ZNF154: variants seen among roughly 807,000 people sequenced by gnomAD.
The protein encoded by ZNF154 is zinc finger protein 154, also known as zinc finger protein 154 (pHZ-92).
Under a neutral mutation model 7.5 loss-of-function variants are expected in ZNF154, and 6 were observed. The observed-to-expected ratio is 0.80, with a 90% confidence interval of 0.44 to 1.57. The LOEUF is 1.57. Among genes scored for constraint, ZNF154 ranks in the 40% most tolerant of loss-of-function variants. The pLI, the probability that ZNF154 is intolerant of heterozygous loss-of-function variation, is 0.01. For synonymous variants in ZNF154, 187 were observed against 185.9 expected (o/e 1.01, Z -0.05); for missense variants, 485 against 531.4 (o/e 0.91, Z 0.86).
At chr19:57,704,784 C>G (rs1985316362) in intron 2 of ZNF154, 69 bp downstream of exon 2, 1 of 1,560,802 alleles carries the variant, frequency 6.4e-7, no homozygotes, top group African/African-American at 1.4e-5. Flanking sequence ...GAAGGACAGA[C>G]CTGCCTATAG....
rs1379526224 is a variant in ZNF154 at position 57,697,036 on chromosome 19, A to G, written c.*4599T>C. On this transcript the variant is annotated 3_prime_UTR_variant, in exon 3 of 3. Transcript: ENST00000684351. ...CTATGTGTGACAAATGGTGCTGTCA[A>G]ATTCGTATTTGAGGACTTGTTGTTG... Among the ~76,000 whole-genome samples the G allele has an allele frequency of 2.0e-5, 3 of 152,192 alleles. No homozygotes were observed. Among genetic ancestry groups the G allele is most frequent in the Non-Finnish European group, 4.4e-5 (3 of 68,020 alleles).
chr19:57,708,947 G>A lies in ZNF154; in HGVS notation c.25C>T (p.Pro9Ser), dbSNP rs1402662209. 2 of 1,561,346 alleles carry A rather than the reference G, an allele frequency of 1.3e-6. No individual in the cohort carries two copies. The highest frequency in any genetic ancestry group is 1.7e-6 in the Non-Finnish European group (2 of 1,153,314). ...GAAGACGCCGCACTCACCTGAGTTG[G>A]CGTCCTCAGAGTGGCCGCTGCCATC... MAAATLRT[P>S]TQGTVTFEDV... The change falls in exon 1 of 3, where the codon CCA becomes TCA. Residue 9 changes from proline (P) to serine (S), a missense_variant. By Grantham distance (74) the Pro-to-Ser change is moderately conservative. Coordinates refer to ENST00000684351, the MANE Select transcript of ZNF154 (RefSeq NM_001085384.3).
At position 57,696,958 on chromosome 19, in the gene ZNF154, T is replaced by C. The variant is rs1309551631; in HGVS notation, c.*4677A>G. On this transcript the variant is annotated 3_prime_UTR_variant, in exon 3 of 3. Transcript: ENST00000684351. ...TCTGTCATAAAGATATGATGTTTGCTTTTCCTCTAGGTAAAGCCAGTAAGG... is the reference window on the plus strand; with the variant it reads ...TCTGTCATAAAGATATGATGTTTGCCTTTCCTCTAGGTAAAGCCAGTAAGG... 6.6e-6 allele frequency among the ~76,000 whole-genome samples: 1 copy of C among 152,196 alleles called. No homozygotes were observed. Among genetic ancestry groups the C allele is most frequent in the African/African-American group, 2.4e-5 (1 of 41,454 alleles).
chr19:57,708,662 T>C (rs1418906288), intron 1 of ZNF154, among the ~76,000 whole-genome samples: 2 of 152,188 alleles, frequency 1.3e-5, no homozygotes, highest in African/African-American at 4.8e-5. Context: ...AGTACAACCC[T>C]AGGAGTAACT....
chr19:57,703,977 C>T (rs996377460), intron 2 of ZNF154, among the ~76,000 whole-genome samples: 1 of 152,244 alleles, frequency 6.6e-6, no homozygotes, highest in Non-Finnish European at 1.5e-5. Flanking sequence ...CCACTGCACT[C>T]CAGCCTGGGT....
At chr19:57,708,854 G>C in intron 1 of ZNF154, 85 bp downstream of exon 1, 1 of 1,521,504 alleles carries the variant, frequency 6.6e-7, no homozygotes, top group Non-Finnish European at 8.9e-7. Context: ...CCTGGGCAGC[G>C]GGGACTCGAG....
At chr19:57,705,873 GTGAATAACCAAAAAC>G (rs1250112667) in intron 1 of ZNF154, among the ~76,000 whole-genome samples, 10 of 152,198 alleles carry the variant, frequency 6.6e-5, no homozygotes, top group South Asian at 4.1e-4. Flanking sequence ...CAGAAAAAAA[GTGAATAACCAAAAAC>G]TGTGGGATGC....
At chr19:57,705,289 C>T (rs759623851) in intron 1 of ZNF154, among the ~76,000 whole-genome samples, 4 of 152,184 alleles carry the variant, frequency 2.6e-5, no homozygotes, top group African/African-American at 9.7e-5. Flanking sequence ...TATCTCCAGA[C>T]ACCACAGCCC....
In ZNF154 at chr19:57,701,939, G is replaced by T. The variant is rs1222150381; in HGVS notation, c.1010C>A (p.Ser337Tyr). ...RPYKCSECGKSFSQRSALLQH... is the reference protein window; with the variant it reads ...RPYKCSECGKYFSQRSALLQH... ...AAGGAGTGCAGACCTTTGGCTAAAGGATTTCCCACATTCGCTGCACTTATA... is the reference window on the plus strand; with the variant it reads ...AAGGAGTGCAGACCTTTGGCTAAAGTATTTCCCACATTCGCTGCACTTATA... Residue 337 changes from serine (S) to tyrosine (Y), a missense_variant, in exon 3 of 3, where the codon TCC becomes TAC. Physicochemically the swap from Ser to Tyr is moderately radical, Grantham distance 144. Transcript: ENST00000684351. The T allele has an allele frequency of 6.2e-7, 1 of 1,612,866 alleles. No individual in the cohort carries two copies. Among genetic ancestry groups the T allele is most frequent in the African/African-American group, 1.3e-5 (1 of 74,524 alleles).
chr19:57,708,427 G>GTTGTAATCCCAGCTGCAGGC (rs1302769291), intron 1 of ZNF154, among the ~76,000 whole-genome samples: 2 of 152,070 alleles, frequency 1.3e-5, no homozygotes, highest in Non-Finnish European at 2.9e-5. Flanking sequence ...TTAGCCGGAC[G>GTTGTAATCCCAGCTGCAGGC]TTGTAATCCC....
At chr19:57,703,967 C>T (rs1488094434) in intron 2 of ZNF154, among the ~76,000 whole-genome samples, 1 of 152,114 alleles carries the variant, frequency 6.6e-6, no homozygotes, top group African/African-American at 2.4e-5. Flanking sequence ...CGAGATCATG[C>T]CACTGCACTC....
Position 57,702,715 on chromosome 19 carries a change from C to T in ZNF154, c.234G>A (p.Lys78=), listed in dbSNP as rs2122393660. ...CCCCTGACACATGGAATGTGCAGGT[C>T]TTCACAAACAAGGCTCTGCCCACAT... ...RSNVGRALFV[K]TCTFHVSGEP... The change falls in exon 3 of 3, where the codon AAG becomes AAA. Residue 78 remains lysine (K), a synonymous_variant. Transcript: ENST00000684351. 1 of 1,612,986 alleles carries T rather than the reference C, an allele frequency of 6.2e-7. No homozygotes were observed. The highest frequency in any genetic ancestry group is 1.7e-4 in the Middle Eastern group (1 of 6,060).
At chr19:57,708,551 C>A (rs1345922139) in intron 1 of ZNF154, among the ~76,000 whole-genome samples, 1 of 151,988 alleles carries the variant, frequency 6.6e-6, no homozygotes, top group African/African-American at 2.4e-5. Context: ...CCAGCCTGGG[C>A]GATAAGAGCG....
chr19:57,702,502 AAC>A lies in ZNF154; in HGVS notation c.445_446del (p.Val149SerfsTer16), dbSNP rs1440045212. The A allele has an allele frequency of 6.2e-7, 1 of 1,614,212 alleles. No individual in the cohort carries two copies. ...CTGTAGTGAGGGTTCTCTGCTGCTG[AAC>A]AAGTGTGTGTTTACCGCTGAATGCT... ...TKAFSGKHTL[V>X]QQQRTLTTER... is the part of the protein sequence containing the mutation. On this transcript the variant is annotated frameshift_variant, in exon 3 of 3. Transcript: ENST00000684351. LOFTEE classifies it low-confidence loss of function (END_TRUNC).
Position 57,702,766 on chromosome 19 carries a change from G to A in ZNF154, c.183C>T (p.His61=). Residue 61 remains histidine, a synonymous_variant, in exon 3 of 3, where the codon CAC becomes CAT. Transcript: ENST00000684351. ...TSLDVHHQKQ[H]LGEKHFRSNV... Reference sequence around the variant, plus strand: ...TGCTTCTGAAATGTTTTTCTCCAAGGTGCTGCTTCTGATGATGAACATCTG... The same window carrying A: ...TGCTTCTGAAATGTTTTTCTCCAAGATGCTGCTTCTGATGATGAACATCTG... 2 of 1,600,934 alleles carry A rather than the reference G, an allele frequency of 1.2e-6. No homozygotes were observed. Among genetic ancestry groups the A allele is most frequent in the East Asian group, 2.2e-5 (1 of 44,524 alleles).
intron 1 of ZNF154, among the ~76,000 whole-genome samples, chr19:57,707,596 T>C (rs191113179): frequency 9.2e-5 from 14 of 152,274 alleles, no homozygotes; most frequent in Admixed American, 9.2e-4. Flanking sequence ...CTGTTAGGAC[T>C]TTGGTAAGAT....
rs998663107 is a variant in ZNF154 at position 57,708,998 on chromosome 19, G to A, written c.-27C>T. 72 of 1,553,682 alleles carry A rather than the reference G, an allele frequency of 4.6e-5. No individual in the cohort carries two copies. Among genetic ancestry groups the A allele is most frequent in the Middle Eastern group, 2.1e-4 (1 of 4,834 alleles). ...AGACTCTGCGGGTAGAGCTGGGCCG[G>A]GAGCGACGGGCGACATTGGTAGGGA... On this transcript the variant is annotated 5_prime_UTR_variant, in exon 1 of 3. Coordinates refer to ENST00000684351, the MANE Select transcript of ZNF154 (RefSeq NM_001085384.3).
chr19:57,700,242 G>A lies in ZNF154; in HGVS notation c.*1393C>T, dbSNP rs1336295322. 2.0e-5 allele frequency: 3 copies of A among 152,130 alleles called. No individual in the cohort carries two copies. The highest frequency in any genetic ancestry group is 2.0e-4 in the Admixed American group (3 of 15,278). 9.4% of individuals were successfully genotyped at this position (152,130 alleles called of 1,614,324 possible). A position where few individuals can be genotyped will look rare whatever the true frequency, so the allele number is the denominator to read the frequency against. ...CTGGATCACAAAGGCTGTATCAATG[G>A]CCTAGACCTCCCTTCTCTATCCTTG... On this transcript the variant is annotated 3_prime_UTR_variant, in exon 3 of 3. Coordinates refer to ENST00000684351, the MANE Select transcript of ZNF154 (RefSeq NM_001085384.3).
At chr19:57,708,596 A>G (rs1429292339) in intron 1 of ZNF154, among the ~76,000 whole-genome samples, 1 of 152,062 alleles carries the variant, frequency 6.6e-6, no homozygotes, top group East Asian at 1.9e-4. Context: ...ACTAACATAA[A>G]TGGCGTCCCT....
Sources: gnomAD v4.1 joint callset for allele counts (sites outside exome capture counted in the v4.1 genomes callset) on GRCh38, gnomAD v4.1.1 for gene constraint, MANE v1.5 for transcripts, NCBI Gene and HGNC (gene_info 2026-07-23, HGNC 2026-07-21) for gene names.